The following RNF10 variants were observed in gnomAD, a reference collection of about 807,000 sequenced individuals.
RNF10 encodes ring finger protein 10, also known as E3 ubiquitin-protein ligase RNF10.
In RNF10, 38 loss-of-function variants were observed where a neutral mutation model predicts 91.4. The observed-to-expected ratio is 0.42, with a 90% confidence interval of 0.32 to 0.54. The LOEUF is 0.54. Ranked by LOEUF, RNF10 falls within the 20% of genes least tolerant of loss-of-function variation. The pLI is 0.16. For synonymous variants in RNF10, 364 were observed against 366.3 expected (o/e 0.99, Z 0.07); for missense variants, 945 against 1,012.0 (o/e 0.93, Z 0.90).
At chr12:120,546,338 T>C in intron 1 of RNF10, 67 bp from the exon 2 acceptor site, 2 of 1,449,904 alleles carry the variant, frequency 1.4e-6, no homozygotes, top group African/African-American at 2.8e-5. Context: ...TGCTGGGAGG[T>C]GGAGGGCAGT....
intron 1 of RNF10, among the ~76,000 whole-genome samples, chr12:120,542,142 A>G (rs1378225504): frequency 6.6e-6 from 1 of 152,174 alleles, no homozygotes; most frequent in Non-Finnish European, 1.5e-5. Context: ...CTGGGATTAC[A>G]GGCGTGAGCC....
In RNF10 at chr12:120,576,611, GAAAAA is replaced by G; in HGVS notation, c.2384_2388del (p.Lys795ThrfsTer98). The G allele has an allele frequency of 6.2e-7, 1 of 1,613,568 alleles. No homozygotes were observed. Among genetic ancestry groups the G allele is most frequent in the Non-Finnish European group, 8.5e-7 (1 of 1,179,808 alleles). On this transcript the variant is annotated frameshift_variant, in exon 17 of 17. Transcript: ENST00000325954. LOFTEE classifies it high-confidence loss of function. ...TTAGAAGAGAAAGGAGGAAAGAAAAGAAAAAAACAGAAACAGAAGCTCCTGTTCAG... is the reference window on the plus strand; with the variant it reads ...TTAGAAGAGAAAGGAGGAAAGAAAAGAACAGAAACAGAAGCTCCTGTTCAG...
Position 120,534,773 on chromosome 12 carries a change from G to C in RNF10, c.-39G>C, listed in dbSNP as rs1162657199. 1.3e-6 allele frequency: 2 copies of C among 1,532,524 alleles called. No individual in the cohort carries two copies. The highest frequency in any genetic ancestry group is 2.0e-5 in the Admixed American group (1 of 49,612). The allele number at this position is 1,532,524 out of a possible 1,614,324, so 94.9% of individuals were successfully genotyped here. ...ATGAGCCTGGGTCCCCGCCGCGCCC[G>C]CTCCGCTCCGACTGCCGTCGCCGCC... is the stretch of plus-strand genomic sequence containing the variant. On this transcript the variant is annotated 5_prime_UTR_variant, in exon 1 of 17. Transcript: ENST00000325954.
intron 10 of RNF10, 22 bp from the exon 11 acceptor site, chr12:120,565,050 A>G: frequency 6.5e-7 from 1 of 1,538,660 alleles, no homozygotes; most frequent in Non-Finnish European, 9.0e-7. Context: ...TTTGTTGAGT[A>G]TTGGTCCTTT....
intron 7 of RNF10, among the ~76,000 whole-genome samples, chr12:120,561,287 T>G (rs1421325978): frequency 6.6e-6 from 1 of 152,220 alleles, no homozygotes; most frequent in Non-Finnish European, 1.5e-5. Context: ...GAGAAAGTAT[T>G]ATGGCCTGCC....
In RNF10 at chr12:120,575,912, TG is replaced by T. The variant is rs763196976; in HGVS notation, c.2322del (p.Met774IlefsTer68). ...AGCCAAGCTATTGAAGCAGCCTTCA[TG>T]AAACTGGACACACCAGCTACTTCAG... The part of the protein sequence containing the change: ...SFSQAIEAAF[M>X]KLDTPATSDP... On this transcript the variant is annotated frameshift_variant, in exon 16 of 17. Transcript: ENST00000325954. LOFTEE classifies it high-confidence loss of function. 6.2e-7 allele frequency: 1 copy of T among 1,614,054 alleles called. No homozygotes were observed. Among genetic ancestry groups the T allele is most frequent in the South Asian group, 1.1e-5 (1 of 91,068 alleles).
intron 2 of RNF10, among the ~76,000 whole-genome samples, chr12:120,548,165 G>T (rs189744418): frequency 1.1e-4 from 16 of 152,282 alleles, no homozygotes; most frequent in African/African-American, 3.9e-4. Context: ...GTTTGGAAAT[G>T]TTATATGTAC....
chr12:120,558,824 C>T (rs985704346), intron 6 of RNF10, among the ~76,000 whole-genome samples: 1 of 151,548 alleles, frequency 6.6e-6, no homozygotes, highest in Admixed American at 6.6e-5. Flanking sequence ...GCCCGCCTTA[C>T]CTCCCAAAGT....
chr12:120,573,055 T>C (rs1303691526), intron 14 of RNF10, among the ~76,000 whole-genome samples: 1 of 152,198 alleles, frequency 6.6e-6, no homozygotes, highest in African/African-American at 2.4e-5. Flanking sequence ...GTTATATATT[T>C]GCTTTCTCTT....
intron 12 of RNF10, among the ~76,000 whole-genome samples, 192 bp from the exon 13 acceptor site, chr12:120,566,633 G>T (rs1205574436): frequency 6.6e-6 from 1 of 151,980 alleles, no homozygotes; most frequent in African/African-American, 2.4e-5. Context: ...GTGGTGGCAC[G>T]TGCCTGTGGT....
intron 1 of RNF10, among the ~76,000 whole-genome samples, chr12:120,537,346 G>C (rs986499348): frequency 6.6e-6 from 1 of 151,666 alleles, no homozygotes; most frequent in African/African-American, 2.4e-5. Context: ...ACTCATGTAG[G>C]CCGGGTGCGG....
rs576864235 is a variant in RNF10 at position 120,575,102 on chromosome 12, C to T, written c.2143-529C>T. The T allele has an allele frequency of 3.2e-5, 5 of 156,990 alleles. No homozygotes were observed. The South Asian group carries it at 9.6e-4, about 30-fold the overall frequency. 9.7% of individuals were successfully genotyped at this position (156,990 alleles called of 1,614,324 possible). Reference sequence around the variant, plus strand: ...AAAAAAAAAAAAATCCAAAAATTAGCCAGGCGGGTGCCTGTAATCCCAGCT... The same window carrying T: ...AAAAAAAAAAAAATCCAAAAATTAGTCAGGCGGGTGCCTGTAATCCCAGCT... On this transcript the variant is annotated intron_variant, in intron 14 of 16. Coordinates refer to ENST00000325954, the MANE Select transcript of RNF10 (RefSeq NM_014868.5).
Position 120,557,647 on chromosome 12 carries a change from A to G in RNF10, c.932A>G (p.Lys311Arg), listed in dbSNP as rs1401901923. 3 of 1,614,072 alleles carry G rather than the reference A, an allele frequency of 1.9e-6. No homozygotes were observed. The highest frequency in any genetic ancestry group is 2.2e-5 in the East Asian group (1 of 44,900). The part of the protein sequence containing the change: ...KGVLVALPKS[K>R]WMNVDHPIHL... ...GTGTTGGTGGCTTTGCCCAAATCCA[A>G]ATGGATGAATGTAGACCATCCCATT... The change falls in exon 6 of 17, where the codon AAA becomes AGA. Residue 311 changes from lysine (K) to arginine (R), a missense_variant. Transcript: ENST00000325954.
At chr12:120,547,337 T>C (rs1872487405) in intron 2 of RNF10, among the ~76,000 whole-genome samples, 1 of 152,186 alleles carries the variant, frequency 6.6e-6, no homozygotes, top group Admixed American at 6.5e-5. Context: ...ATGGTCTTGC[T>C]CTGTAGTACA....
chr12:120,545,178 CATTTTTA>C (rs2137147912), intron 1 of RNF10, among the ~76,000 whole-genome samples: 1 of 152,006 alleles, frequency 6.6e-6, no homozygotes, highest in Non-Finnish European at 1.5e-5. Flanking sequence ...AAACAAGAAA[CATTTTTA>C]TTTTTTATTT....
chr12:120,540,471 C>T (rs2137129158), intron 1 of RNF10, among the ~76,000 whole-genome samples: 1 of 152,112 alleles, frequency 6.6e-6, no homozygotes, highest in East Asian at 1.9e-4. Flanking sequence ...CCTGTTCTAC[C>T]CTCGAGTTTT....
At chr12:120,574,592 C>T (rs1877125601) in intron 14 of RNF10, 2 of 453,440 alleles carry the variant, frequency 4.4e-6, no homozygotes, top group Admixed American at 2.4e-5. Flanking sequence ...GTTTTCATGG[C>T]TTTAGGTAAC....
intron 1 of RNF10, 26 bp from the exon 2 acceptor site, chr12:120,546,379 C>T (rs376213424): frequency 7.9e-5 from 126 of 1,594,046 alleles, no homozygotes; most frequent in Non-Finnish European, 9.7e-5. Context: ...CTTCTTAAGA[C>T]GTTCTTTTGT....
chr12:120,548,797 T>C (rs1440378471), intron 2 of RNF10, among the ~76,000 whole-genome samples: 2 of 151,952 alleles, frequency 1.3e-5, no homozygotes, highest in Non-Finnish European at 2.9e-5. Flanking sequence ...TAGCTGGGAC[T>C]ACAGCTGGGA....
Sources: gnomAD v4.1 joint callset for allele counts (sites outside exome capture counted in the v4.1 genomes callset) on GRCh38, gnomAD v4.1.1 for gene constraint, MANE v1.5 for transcripts, NCBI Gene and HGNC (gene_info 2026-07-23, HGNC 2026-07-21) for gene names.